Variants in TTC13 observed in about 807,000 individuals in gnomAD.
TTC13 encodes tetratricopeptide repeat protein 13.
A neutral mutation model predicts 120.0 loss-of-function variants in TTC13; 62 were observed. The observed-to-expected ratio is 0.52, with a 90% CI of 0.42 to 0.64. TTC13 has a LOEUF of 0.64. TTC13 is among the 30% of genes least tolerant of loss of function. TTC13 has a pLI of 0.00. For synonymous variants in TTC13, 384 were observed against 393.5 expected (o/e 0.98, Z 0.28); for missense variants, 824 against 1,050.2 (o/e 0.78, Z 2.98).
intron 4 of TTC13, 89 bp downstream of exon 4, chr1:230,954,244 T>C (rs1675844628): frequency 2.3e-6 from 2 of 874,884 alleles, no homozygotes; most frequent in East Asian, 5.2e-5. Context: ...TTTAAAAACA[T>C]GTCGTATTAC....
At chr1:230,946,357 A>T (rs1218823896) in intron 4 of TTC13, among the ~76,000 whole-genome samples, 1 of 152,216 alleles carries the variant, frequency 6.6e-6, no homozygotes, top group Non-Finnish European at 1.5e-5. Context: ...TTCAGTTTCA[A>T]ATCTGAGCTA....
intron 4 of TTC13, among the ~76,000 whole-genome samples, chr1:230,947,560 C>CT (rs1314788527): frequency 6.7e-6 from 1 of 149,786 alleles, no homozygotes; most frequent in Non-Finnish European, 1.5e-5. Flanking sequence ...AACTAATGAG[C>CT]TAAAAAAAAA....
At position 230,914,020 on chromosome 1, in the gene TTC13, G is replaced by A. The variant is rs573535811; in HGVS notation, c.2094-1262C>T. ...AGCTAGGGGAACGTCCAGTGAGGTG[G>A]AGCTCTAGCAACATTGGTGAAGTGC... On this transcript the variant is annotated intron_variant, in intron 18 of 22. Coordinates refer to ENST00000366661, the MANE Select transcript of TTC13 (RefSeq NM_024525.5). Among the ~76,000 whole-genome samples the A allele has an allele frequency of 1.5e-4, 23 of 152,306 alleles. No homozygotes were observed. The South Asian group carries it at 4.6e-3, about 30-fold the overall frequency.
chr1:230,943,187 T>C (rs1158486570), intron 6 of TTC13, among the ~76,000 whole-genome samples: 1 of 152,194 alleles, frequency 6.6e-6, no homozygotes, highest in Non-Finnish European at 1.5e-5. Context: ...ATATTATGTG[T>C]TATATTTTTC....
intron 16 of TTC13, among the ~76,000 whole-genome samples, chr1:230,921,015 G>A (rs993020839): frequency 5.9e-5 from 9 of 152,048 alleles, no homozygotes; most frequent in East Asian, 1.9e-4. Context: ...TTTTTCCACC[G>A]ATTTTATATT....
chr1:230,966,367 G>T (rs976308386), intron 1 of TTC13, among the ~76,000 whole-genome samples: 1 of 152,066 alleles, frequency 6.6e-6, no homozygotes, highest in African/African-American at 2.4e-5. Context: ...GTGTTAGGAT[G>T]GCATTAAAAT....
At chr1:230,974,762 T>C (rs1678106713) in intron 1 of TTC13, among the ~76,000 whole-genome samples, 1 of 152,194 alleles carries the variant, frequency 6.6e-6, no homozygotes, top group Non-Finnish European at 1.5e-5. Flanking sequence ...TCCAAAATAC[T>C]AAGTAGCATC....
Position 230,929,108 on chromosome 1 carries a change from T to C in TTC13, c.1301-15A>G. The C allele has an allele frequency of 6.2e-7, 1 of 1,612,368 alleles. No individual in the cohort carries two copies. The highest frequency in any genetic ancestry group is 8.5e-7 in the Non-Finnish European group (1 of 1,178,990). On this transcript the variant is annotated splice_polypyrimidine_tract_variant and intron_variant, in intron 11 of 22. Transcript: ENST00000366661. ...TCGAGAATACTCTGCAGAAAGGAAA[T>C]GAGATCTGACACATCCAAATACTGC...
chr1:230,913,303 C>T (rs1048147337), intron 18 of TTC13, among the ~76,000 whole-genome samples: 1 of 152,046 alleles, frequency 6.6e-6, no homozygotes, highest in Non-Finnish European at 1.5e-5. Context: ...GTCCTCGGAG[C>T]CTACAAAGAA....
intron 11 of TTC13, among the ~76,000 whole-genome samples, chr1:230,930,501 T>G (rs1673439512): frequency 2.6e-5 from 4 of 152,044 alleles, no homozygotes; most frequent in Admixed American, 2.6e-4. Flanking sequence ...AAAAGGTGAG[T>G]AAAACTACAA....
At position 230,906,260 on chromosome 1, in the gene TTC13, G is replaced by A. The variant is rs1670930710; in HGVS notation, c.*645C>T. ...ATACATAATCCAATGCCAAAAACTG[G>A]TGATTTATAGAAATCACCCTGGTTT... On this transcript the variant is annotated 3_prime_UTR_variant, in exon 23 of 23. Transcript: ENST00000366661. 1 of 151,994 alleles carries A rather than the reference G, an allele frequency of 6.6e-6. No homozygotes were observed. The highest frequency in any genetic ancestry group is 1.5e-5 in the Non-Finnish European group (1 of 68,014). The allele number at this position is 151,994 out of a possible 1,614,324, so 9.4% of individuals were successfully genotyped here. A position where few individuals can be genotyped will look rare whatever the true frequency, so the allele number is the denominator to read the frequency against.
chr1:230,939,574 G>A lies in TTC13; in HGVS notation c.790-78C>T. On this transcript the variant is annotated intron_variant, in intron 7 of 22. Transcript: ENST00000366661. ...AACATTTCCTAATTTTTGGCTGGTA[G>A]AGAAAAAAAATCTCAATTCATCCTC... is the stretch of plus-strand genomic sequence containing the variant. 7.2e-6 allele frequency: 7 copies of A among 967,230 alleles called. No homozygotes were observed. In the Admixed American group the frequency reaches 1.2e-4, roughly 16 times the overall value. 59.9% of individuals were successfully genotyped at this position (967,230 alleles called of 1,614,324 possible).
At chr1:230,945,569 C>T (rs1674914945) in intron 4 of TTC13, 115 bp from the exon 5 acceptor site, 18 of 894,106 alleles carry the variant, frequency 2.0e-5, no homozygotes, top group Admixed American at 3.4e-5. Flanking sequence ...CTTTATGCTA[C>T]GACCACTCGT....
chr1:230,967,385 G>T (rs1293018673), intron 1 of TTC13, among the ~76,000 whole-genome samples: 1 of 147,462 alleles, frequency 6.8e-6, no homozygotes, highest in Non-Finnish European at 1.5e-5. Context: ...CCATATAAAA[G>T]AAGTATTTTC....
intron 1 of TTC13, among the ~76,000 whole-genome samples, chr1:230,969,304 C>T (rs979901378): frequency 2.6e-5 from 4 of 151,196 alleles, no homozygotes; most frequent in Non-Finnish European, 5.9e-5. Context: ...GCTTAAGAAG[C>T]TTACGTTTAA....
At chr1:230,920,456 G>T in intron 17 of TTC13, 54 bp downstream of exon 17, 1 of 1,283,252 alleles carries the variant, frequency 7.8e-7, no homozygotes, top group Non-Finnish European at 1.1e-6. Context: ...AAAAAGTGCT[G>T]TTGGTTTTCT....
At chr1:230,922,809 G>T (rs1308363032) in intron 15 of TTC13, among the ~76,000 whole-genome samples, 1 of 152,132 alleles carries the variant, frequency 6.6e-6, no homozygotes, top group East Asian at 1.9e-4. Context: ...TTGTCTGCTG[G>T]TCTGTCTGCT....
At chr1:230,928,788 G>T (rs532242265) in intron 12 of TTC13, 149 bp downstream of exon 12, 16 of 704,828 alleles carry the variant, frequency 2.3e-5, no homozygotes, top group African/African-American at 3.6e-5. Flanking sequence ...ATATTCACAG[G>T]CACAAGGATA....
At chr1:230,948,979 C>T (rs1675272465) in intron 4 of TTC13, among the ~76,000 whole-genome samples, 1 of 152,078 alleles carries the variant, frequency 6.6e-6, no homozygotes, top group African/African-American at 2.4e-5. Flanking sequence ...TTCCAGACGC[C>T]CCTGGAAAAT....
Sources: gnomAD v4.1 joint callset for allele counts (sites outside exome capture counted in the v4.1 genomes callset) on GRCh38, gnomAD v4.1.1 for gene constraint, MANE v1.5 for transcripts, NCBI Gene and HGNC (gene_info 2026-07-23, HGNC 2026-07-21) for gene names.